TMEM41B: variants seen among roughly 807,000 people sequenced by gnomAD.
The protein encoded by TMEM41B is protein stasimon.
In TMEM41B, 18 loss-of-function variants were observed where a neutral mutation model predicts 31.9. That is an observed-to-expected ratio of 0.56 (90% CI 0.39 to 0.84). The LOEUF (loss-of-function observed/expected upper bound fraction) is 0.84, where lower values mean the gene tolerates loss of function less well. TMEM41B is among the 40% of genes least tolerant of loss of function. The probability of loss-of-function intolerance (pLI) is 0.00; values close to 1 mark genes in which losing one functional copy is unlikely to be tolerated. For missense variants in TMEM41B, 322 were observed against 348.0 expected, an observed-to-expected ratio of 0.93 and a Z score of 0.59; for synonymous variants, 144 against 124.3, an observed-to-expected ratio of 1.16 and a Z score of -1.05.
chr11:9,311,345 TTTC>T, intron 1 of TMEM41B: 1 of 1,496,180 alleles, frequency 6.7e-7, no homozygotes, highest in East Asian at 2.4e-5. Flanking sequence ...TTTTATGAGC[TTTC>T]TTCATTTTCT....
chr11:9,295,679 C>G (rs1396331500), intron 2 of TMEM41B, among the ~76,000 whole-genome samples: 1 of 151,950 alleles, frequency 6.6e-6, no homozygotes, highest in Non-Finnish European at 1.5e-5. Flanking sequence ...GGATCACAGG[C>G]GTGCACCACC....
intron 6 of TMEM41B, among the ~76,000 whole-genome samples, chr11:9,284,848 G>T (rs1342827115): frequency 1.3e-5 from 2 of 152,050 alleles, no homozygotes; most frequent in East Asian, 3.8e-4. Flanking sequence ...AGAGAGCAGT[G>T]TATACAAAAG....
intron 1 of TMEM41B, among the ~76,000 whole-genome samples, chr11:9,303,849 G>T (rs1853316774): frequency 6.6e-6 from 1 of 151,658 alleles, no homozygotes; most frequent in African/African-American, 2.4e-5. Flanking sequence ...TGTATTTTTA[G>T]TAGAAACGGA....
At chr11:9,291,310 C>T (rs1836504937) in intron 3 of TMEM41B, among the ~76,000 whole-genome samples, 1 of 151,764 alleles carries the variant, frequency 6.6e-6, no homozygotes, top group African/African-American at 2.4e-5. Context: ...TGAACTCGGG[C>T]AGCGGAGGTT....
chr11:9,301,073 C>T (rs1853243801), intron 1 of TMEM41B, among the ~76,000 whole-genome samples: 1 of 151,972 alleles, frequency 6.6e-6, no homozygotes, highest in Admixed American at 6.6e-5. Flanking sequence ...CTTGTATACA[C>T]TGATAATACT....
intron 2 of TMEM41B, among the ~76,000 whole-genome samples, chr11:9,298,196 T>G (rs989361916): frequency 6.7e-6 from 1 of 149,474 alleles, no homozygotes; most frequent in African/African-American, 2.5e-5. Flanking sequence ...CAGTGGCTCA[T>G]GCCTGTAATC....
At position 9,309,076 on chromosome 11, in the gene TMEM41B, C is replaced by T. The variant is rs1172288082; in HGVS notation, c.121+5245G>A. On this transcript the variant is annotated intron_variant, in intron 1 of 6. Coordinates refer to ENST00000528080, the MANE Select transcript of TMEM41B (RefSeq NM_015012.4). The stretch of plus-strand genomic sequence containing the variant: ...CAGCCTGGCCAACACAGAGATAACC[C>T]GTCTCTACTAAAAATACAAAATTAG... Among the ~76,000 whole-genome samples the T allele has an allele frequency of 5.9e-5, 9 of 152,174 alleles. No individual in the cohort carries two copies. In the East Asian group the frequency reaches 9.7e-4, roughly 16 times the overall value.
intron 1 of TMEM41B, among the ~76,000 whole-genome samples, chr11:9,312,903 C>CAAAAAAAAAAAAAAAAAAA (rs36030741): frequency 1.0e-5 from 1 of 95,340 alleles, no homozygotes; most frequent in Non-Finnish European, 2.1e-5. Context: ...GACTCCGTCT[C>CAAAAAAAAAAAAAAAAAAA]AAAAAAAAAA....
At chr11:9,306,847 T>C (rs927975433) in intron 1 of TMEM41B, among the ~76,000 whole-genome samples, 2 of 152,196 alleles carry the variant, frequency 1.3e-5, no homozygotes, top group Admixed American at 1.3e-4. Context: ...TACCTTCCTT[T>C]AACTGCAACC....
In TMEM41B at chr11:9,283,466, C is replaced by T; in HGVS notation, c.834G>A (p.Leu278=). The part of the protein sequence containing the change: ...ILMILAVLSI[L]PAIFQKKLKQ... ...TTAGTTTTTTTTGGAAGATGGCTGG[C>T]AGAATAGAAAGAACAGCCAAGATCA... is the stretch of plus-strand genomic sequence containing the variant. The change falls in exon 7 of 7, where the codon CTG becomes CTA. Residue 278 remains leucine (L), a synonymous_variant. Coordinates refer to ENST00000528080, the MANE Select transcript of TMEM41B (RefSeq NM_015012.4). 1 of 1,604,530 alleles carries T rather than the reference C, an allele frequency of 6.2e-7. No individual in the cohort carries two copies. Among genetic ancestry groups the T allele is most frequent in the African/African-American group, 1.3e-5 (1 of 74,510 alleles).
chr11:9,287,405 G>T (rs1461222990), intron 5 of TMEM41B, among the ~76,000 whole-genome samples: 1 of 152,158 alleles, frequency 6.6e-6, no homozygotes, highest in Non-Finnish European at 1.5e-5. Context: ...AAACAGATAG[G>T]TATCTAATTA....
intron 3 of TMEM41B, among the ~76,000 whole-genome samples, chr11:9,290,804 T>C (rs1318823349): frequency 6.6e-6 from 1 of 152,030 alleles, no homozygotes; most frequent in African/African-American, 2.4e-5. Flanking sequence ...GTAGAGAAAC[T>C]AGTGTTATGA....
At chr11:9,298,473 A>C (rs1025108788) in intron 2 of TMEM41B, among the ~76,000 whole-genome samples, 2 of 149,450 alleles carry the variant, frequency 1.3e-5, no homozygotes, top group African/African-American at 2.5e-5. Context: ...AAAAAAAAAA[A>C]AAAATTGTGG....
chr11:9,287,680 TA>T (rs1852865853), intron 5 of TMEM41B, 21 bp downstream of exon 5: 4 of 1,543,322 alleles, frequency 2.6e-6, no homozygotes, highest in Non-Finnish European at 3.6e-6. Context: ...TTACATCAAA[TA>T]ATTTAAAAAT....
intron 1 of TMEM41B, chr11:9,311,205 A>G (rs553967691): frequency 9.6e-5 from 138 of 1,435,084 alleles, no homozygotes; most frequent in African/African-American, 2.7e-4. Context: ...CTTTCCCCCA[A>G]TACAACATGG....
At chr11:9,305,785 T>C (rs1331937886) in intron 1 of TMEM41B, among the ~76,000 whole-genome samples, 1 of 152,064 alleles carries the variant, frequency 6.6e-6, no homozygotes, top group Non-Finnish European at 1.5e-5. Context: ...AAAAATAATT[T>C]CATATTATGA....
At chr11:9,309,279 G>C (rs1385790844) in intron 1 of TMEM41B, among the ~76,000 whole-genome samples, 2 of 151,836 alleles carry the variant, frequency 1.3e-5, no homozygotes, top group Non-Finnish European at 2.9e-5. Flanking sequence ...ATCTGATCCT[G>C]AAGATGCTGA....
chr11:9,304,143 T>C (rs746759736), intron 1 of TMEM41B, among the ~76,000 whole-genome samples: 2 of 152,198 alleles, frequency 1.3e-5, no homozygotes, highest in Non-Finnish European at 2.9e-5. Flanking sequence ...AATACTCTAG[T>C]TCATTAACCC....
In TMEM41B at chr11:9,314,358, C is replaced by T; in HGVS notation, c.84G>A (p.Arg28=). 2 of 1,589,740 alleles carry T rather than the reference C, an allele frequency of 1.3e-6. No individual in the cohort carries two copies. The highest frequency in any genetic ancestry group is 1.7e-4 in the Middle Eastern group (1 of 6,022). Reference sequence around the variant, plus strand: ...CTCTGCTGCCAGGCGCCGCGAGACCCCGCGTCCCCGCTGCCCCGTCCCCCA... The same window carrying T: ...CTCTGCTGCCAGGCGCCGCGAGACCTCGCGTCCCCGCTGCCCCGTCCCCCA... ...TPVGDGAAGT[R]GLAAPGSRDH... is the part of the protein sequence containing the mutation. The change falls in exon 1 of 7, where the codon CGG becomes CGA. Residue 28 remains arginine, a synonymous_variant. Transcript: ENST00000528080.
Sources: allele counts gnomAD v4.1 joint callset (sites outside exome capture counted in the v4.1 genomes callset), GRCh38; gene constraint gnomAD v4.1.1; transcripts MANE v1.5; gene names NCBI Gene and HGNC (gene_info 2026-07-23, HGNC 2026-07-21).